Variants in C9orf153 observed in about 807,000 individuals in gnomAD.
C9orf153 encodes uncharacterized protein C9orf153.
C9orf153 carries 10 observed loss-of-function variants against 9.0 expected under a neutral mutation model. The observed-to-expected ratio is 1.11, with a 90% CI of 0.69 to 1.89. The LOEUF (loss-of-function observed/expected upper bound fraction) is 1.89, where lower values mean the gene tolerates loss of function less well. Among genes scored for constraint, C9orf153 ranks in the 40% most tolerant of loss-of-function variants. The probability of loss-of-function intolerance (pLI) is 0.00; values close to 1 mark genes in which losing one functional copy is unlikely to be tolerated. For missense variants in C9orf153, 108 were observed against 111.0 expected (o/e 0.97, Z 0.12); for synonymous variants, 35 against 37.3 (o/e 0.94, Z 0.23).
chr9:86,251,945 G>C (rs1825005558), intron 1 of C9orf153, among the ~76,000 whole-genome samples: 1 of 64,534 alleles, frequency 1.5e-5, no homozygotes, highest in Non-Finnish European at 2.7e-5. Flanking sequence ...ACACACACGA[G>C]AGAGAGAGAG....
chr9:86,253,968 G>A (rs1825050756), intron 1 of C9orf153, among the ~76,000 whole-genome samples: 1 of 151,972 alleles, frequency 6.6e-6, no homozygotes, highest in Non-Finnish European at 1.5e-5. Context: ...GCATGTGTCT[G>A]CAGTCCCAGC....
intron 1 of C9orf153, among the ~76,000 whole-genome samples, chr9:86,230,500 C>T (rs1242015175): frequency 6.6e-6 from 1 of 152,142 alleles, no homozygotes; most frequent in Non-Finnish European, 1.5e-5. Context: ...AGGGTTTCAC[C>T]GTGTTGGTCA....
At chr9:86,221,813 G>T (rs1824209391) in intron 3 of C9orf153, 80 bp from the exon 4 acceptor site, 5 of 935,586 alleles carry the variant, frequency 5.3e-6, no homozygotes, top group Non-Finnish European at 8.1e-6. Context: ...TCATGGACAG[G>T]GTAAACCTTT....
rs184159041 is a variant in C9orf153 at position 86,241,883 on chromosome 9, C to G, written c.-26-12254G>C. ...TCAAGTGATCCTCCCCTCTTGGCCT[C>G]CCAAAGTCCTGGGATTACAGGCGTG... On this transcript the variant is annotated intron_variant, in intron 1 of 3. Coordinates refer to ENST00000339137, the MANE Select transcript of C9orf153 (RefSeq NM_001276366.4). Among the ~76,000 whole-genome samples the G allele has an allele frequency of 2.2e-3, 331 of 152,314 alleles. 3 individuals are homozygous for G. The highest frequency in any genetic ancestry group is 7.3e-3 in the African/African-American group (305 of 41,574).
intron 1 of C9orf153, among the ~76,000 whole-genome samples, chr9:86,259,296 G>C (rs1177283784): frequency 6.6e-6 from 1 of 152,166 alleles, no homozygotes; most frequent in African/African-American, 2.4e-5. Context: ...GGCCGGAAAG[G>C]ATGAGGGAGT....
chr9:86,249,556 T>TTC (rs1037427750), intron 1 of C9orf153, among the ~76,000 whole-genome samples: 14 of 136,952 alleles, frequency 1.0e-4, no homozygotes, highest in African/African-American at 3.3e-4. Context: ...ACCTTTTTTT[T>TTC]TTTTTTTTTT....
intron 1 of C9orf153, among the ~76,000 whole-genome samples, chr9:86,255,021 C>G (rs1411625503): frequency 4.0e-5 from 6 of 149,972 alleles, no homozygotes; most frequent in Non-Finnish European, 8.9e-5. Flanking sequence ...GCCAAGATCA[C>G]ACCACTGCAC....
At chr9:86,252,033 G>GTT (rs1825008805) in intron 1 of C9orf153, among the ~76,000 whole-genome samples, 1 of 150,278 alleles carries the variant, frequency 6.7e-6, no homozygotes, top group South Asian at 2.1e-4. Context: ...GGTCTTTTTT[G>GTT]TTTTGTTTTG....
intron 1 of C9orf153, among the ~76,000 whole-genome samples, chr9:86,244,535 A>G (rs993513243): frequency 6.6e-5 from 10 of 152,236 alleles, no homozygotes; most frequent in Admixed American, 1.3e-4. Flanking sequence ...ATAAAAACCA[A>G]TGCCTAAATA....
chr9:86,250,288 T>C (rs1824967251), intron 1 of C9orf153, among the ~76,000 whole-genome samples: 1 of 152,192 alleles, frequency 6.6e-6, no homozygotes, highest in African/African-American at 2.4e-5. Flanking sequence ...GATTTGGAGG[T>C]AATTGTTTTC....
At chr9:86,228,386 G>A (rs1824389066) in intron 2 of C9orf153, among the ~76,000 whole-genome samples, 1 of 152,120 alleles carries the variant, frequency 6.6e-6, no homozygotes, top group South Asian at 2.1e-4. Context: ...GGAGACTGTG[G>A]CCTTTGCTTG....
intron 1 of C9orf153, among the ~76,000 whole-genome samples, chr9:86,231,130 A>C (rs1341441645): frequency 6.6e-6 from 1 of 152,214 alleles, no homozygotes; most frequent in Non-Finnish European, 1.5e-5. Context: ...TGGTTCACCC[A>C]GCCCCAGACG....
chr9:86,243,253 A>T (rs958774337), intron 1 of C9orf153, among the ~76,000 whole-genome samples: 2 of 152,168 alleles, frequency 1.3e-5, no homozygotes, highest in Non-Finnish European at 2.9e-5. Flanking sequence ...ACTCTTGAGA[A>T]TACTTTTCAA....
rs149240924 is a variant in C9orf153 at position 86,230,819 on chromosome 9, CT to C, written c.-26-1191del. On this transcript the variant is annotated intron_variant, in intron 1 of 3. Transcript: ENST00000339137. ...GCAGATGGAATTGTGTTTAATTTTTCTGCAAGACGTTAAAAATGGCCATGGA... is the reference window on the plus strand; with the variant it reads ...GCAGATGGAATTGTGTTTAATTTTTCGCAAGACGTTAAAAATGGCCATGGA... Among the ~76,000 whole-genome samples, 1,372 of 152,298 alleles carry C rather than the reference CT, an allele frequency of 9.0e-3. 23 individuals carry two copies. Among genetic ancestry groups the C allele is most frequent in the African/African-American group, 0.031 (1,272 of 41,560 alleles).
intron 1 of C9orf153, among the ~76,000 whole-genome samples, chr9:86,243,607 TC>T (rs1468275189): frequency 6.6e-6 from 1 of 151,912 alleles, no homozygotes; most frequent in African/African-American, 2.4e-5. Context: ...TTAACTGTGA[TC>T]CCCCAGGCTC....
chr9:86,254,890 C>A (rs1311406167), intron 1 of C9orf153, among the ~76,000 whole-genome samples: 1 of 151,976 alleles, frequency 6.6e-6, no homozygotes, highest in African/African-American at 2.4e-5. Context: ...CATGGTGAAA[C>A]CCCGTCTCTT....
At chr9:86,225,975 A>G (rs1380010359) in intron 3 of C9orf153, among the ~76,000 whole-genome samples, 1 of 152,212 alleles carries the variant, frequency 6.6e-6, no homozygotes, top group Non-Finnish European at 1.5e-5. Flanking sequence ...TATACATGTG[A>G]AAGTCATAAA....
At chr9:86,246,575 A>G (rs1027594217) in intron 1 of C9orf153, among the ~76,000 whole-genome samples, 1 of 152,176 alleles carries the variant, frequency 6.6e-6, no homozygotes, top group African/African-American at 2.4e-5. Flanking sequence ...AATTTTTTTT[A>G]AATCTCATTT....
intron 3 of C9orf153, chr9:86,227,491 G>T: frequency 1.4e-6 from 2 of 1,381,028 alleles, no homozygotes; most frequent in Non-Finnish European, 9.4e-7. Flanking sequence ...TAGTAAATTT[G>T]CAATGAGATT....
Sources: gnomAD v4.1 joint callset for allele counts (sites outside exome capture counted in the v4.1 genomes callset) on GRCh38, gnomAD v4.1.1 for gene constraint, MANE v1.5 for transcripts, NCBI Gene and HGNC (gene_info 2026-07-23, HGNC 2026-07-21) for gene names.